Variants in ENPP6 observed in about 807,000 individuals in gnomAD.
ENPP6 encodes ectonucleotide pyrophosphatase/phosphodiesterase 6, also known as glycerophosphocholine cholinephosphodiesterase ENPP6.
In ENPP6, 32 loss-of-function variants were observed where a neutral mutation model predicts 42.0. The ratio of observed to expected loss-of-function variants is 0.76; its 90% confidence interval spans 0.58 to 1.02. The LOEUF is 1.02. ENPP6 is among the 50% of genes least tolerant of loss of function. The probability of loss-of-function intolerance (pLI) is 0.00; values close to 1 mark genes in which losing one functional copy is unlikely to be tolerated. For missense variants in ENPP6, 552 were observed against 566.8 expected, an observed-to-expected ratio of 0.97 and a Z score of 0.27; for synonymous variants, 213 against 216.0, an observed-to-expected ratio of 0.99 and a Z score of 0.12.
At chr4:184,116,237 C>G (rs1173732098) in intron 5 of ENPP6, among the ~76,000 whole-genome samples, 1 of 151,808 alleles carries the variant, frequency 6.6e-6, no homozygotes, top group Non-Finnish European at 1.5e-5. Context: ...AACAAACAAA[C>G]AAACAGCCCT....
intron 2 of ENPP6, among the ~76,000 whole-genome samples, chr4:184,130,340 C>G (rs1018990755): frequency 6.6e-6 from 1 of 150,748 alleles, no homozygotes; most frequent in Non-Finnish European, 1.5e-5. Context: ...GGGTGGATCA[C>G]GAGGTCAGGA....
At chr4:184,199,571 T>C (rs1170151670) in intron 1 of ENPP6, among the ~76,000 whole-genome samples, 1 of 152,222 alleles carries the variant, frequency 6.6e-6, no homozygotes, top group African/African-American at 2.4e-5. Flanking sequence ...TTGATTTGTG[T>C]TCAGAACCTG....
In ENPP6 at chr4:184,105,538, A is replaced by G. The variant is rs568011299; in HGVS notation, c.993+7134T>C. Reference sequence around the variant, plus strand: ...TGGGTTAGTTGCTCAGAGATTTGTAACCATAGGCAAGATACCTAAAATGCT... The same window carrying G: ...TGGGTTAGTTGCTCAGAGATTTGTAGCCATAGGCAAGATACCTAAAATGCT... On this transcript the variant is annotated intron_variant, in intron 6 of 7. Coordinates refer to ENST00000296741, the MANE Select transcript of ENPP6 (RefSeq NM_153343.4). 5.9e-5 allele frequency among the ~76,000 whole-genome samples: 9 copies of G among 152,320 alleles called. No individual in the cohort carries two copies. The East Asian group carries it at 1.7e-3, about 29-fold the overall frequency.
chr4:184,180,335 A>G (rs1211485845), intron 1 of ENPP6, among the ~76,000 whole-genome samples: 1 of 152,236 alleles, frequency 6.6e-6, no homozygotes, highest in Admixed American at 6.5e-5. Flanking sequence ...TGAAGAGACC[A>G]TTAAAAAGTT....
intron 7 of ENPP6, among the ~76,000 whole-genome samples, chr4:184,094,376 C>T (rs1735860810): frequency 6.6e-6 from 1 of 152,230 alleles, no homozygotes; most frequent in South Asian, 2.1e-4. Flanking sequence ...TATCTTTTTA[C>T]ACTGGAAATA....
At chr4:184,113,965 C>CTTTCTTTTTT (rs1560982025) in intron 5 of ENPP6, among the ~76,000 whole-genome samples, 1 of 36,472 alleles carries the variant, frequency 2.7e-5, no homozygotes, top group Admixed American at 3.2e-4. Context: ...CTTTCTTTCT[C>CTTTCTTTTTT]TCTTTCTTTC....
chr4:184,109,038 C>T (rs1736153888), intron 6 of ENPP6, among the ~76,000 whole-genome samples: 2 of 152,176 alleles, frequency 1.3e-5, no homozygotes. Context: ...TGGTGAAACC[C>T]CATCTCCACT....
At chr4:184,214,590 A>T (rs187146584) in intron 1 of ENPP6, among the ~76,000 whole-genome samples, 368 of 152,374 alleles carry the variant, frequency 2.4e-3, no homozygotes, top group African/African-American at 8.6e-3. Flanking sequence ...CCAAATGCCC[A>T]TCAATGATAG....
intron 2 of ENPP6, among the ~76,000 whole-genome samples, chr4:184,128,639 C>G (rs1390113252): frequency 2.0e-5 from 3 of 148,558 alleles, no homozygotes; most frequent in Non-Finnish European, 4.5e-5. Flanking sequence ...GGAAATATAA[C>G]GTGCAAAATT....
At chr4:184,120,544 C>T (rs1736398919) in intron 3 of ENPP6, among the ~76,000 whole-genome samples, 1 of 152,204 alleles carries the variant, frequency 6.6e-6, no homozygotes, top group Non-Finnish European at 1.5e-5. Flanking sequence ...ACCCCATGAG[C>T]CATTCAAGGC....
At position 184,159,268 on chromosome 4, in the gene ENPP6, GT is replaced by G. The variant is rs1482755345; in HGVS notation, c.242-5536del. ...AGCAAATTTGCTCATATTCTTTCAA[GT>G]ATTCAAGAGGGTCAGCGGGACCTGG... is the stretch of plus-strand genomic sequence containing the variant. On this transcript the variant is annotated intron_variant, in intron 1 of 7. Transcript: ENST00000296741. Among the ~76,000 whole-genome samples the G allele has an allele frequency of 3.9e-5, 6 of 152,194 alleles. No individual in the cohort carries two copies. In the East Asian group the frequency reaches 9.6e-4, roughly 24 times the overall value.
At chr4:184,201,215 T>C (rs984798228) in intron 1 of ENPP6, among the ~76,000 whole-genome samples, 3 of 152,142 alleles carry the variant, frequency 2.0e-5, no homozygotes, top group African/African-American at 7.2e-5. Context: ...CGAGCAGGTG[T>C]TGCTGAAGGT....
intron 1 of ENPP6, among the ~76,000 whole-genome samples, chr4:184,189,161 G>A (rs767711777): frequency 2.0e-5 from 3 of 152,110 alleles, no homozygotes; most frequent in African/African-American, 4.8e-5. Context: ...TATATGCCAG[G>A]GGATTTCTCC....
chr4:184,112,543 C>T, intron 6 of ENPP6, 129 bp downstream of exon 6: 2 of 1,144,724 alleles, frequency 1.7e-6, no homozygotes, highest in Middle Eastern at 2.4e-4. Flanking sequence ...TAAAGAAAGA[C>T]ATAACGCAAC....
intron 1 of ENPP6, among the ~76,000 whole-genome samples, chr4:184,162,824 C>T (rs912447339): frequency 7.2e-6 from 1 of 138,786 alleles, no homozygotes; most frequent in Non-Finnish European, 1.7e-5. Context: ...AATAAACAGG[C>T]TGCACAGAGT....
intron 2 of ENPP6, among the ~76,000 whole-genome samples, chr4:184,131,216 CTTT>C (rs1193387718): frequency 2.5e-4 from 21 of 85,414 alleles, no homozygotes; most frequent in African/African-American, 1.1e-3. Flanking sequence ...TTCTTTCTTT[CTTT>C]TTCTTTCTTT....
At chr4:184,161,171 C>T (rs373769034) in intron 1 of ENPP6, among the ~76,000 whole-genome samples, 3 of 151,878 alleles carry the variant, frequency 2.0e-5, no homozygotes, top group African/African-American at 7.3e-5. Flanking sequence ...TGACCAGAAT[C>T]TACAAGGAAC....
chr4:184,201,463 C>T (rs1337188496), intron 1 of ENPP6, among the ~76,000 whole-genome samples: 1 of 151,730 alleles, frequency 6.6e-6, no homozygotes, highest in Middle Eastern at 3.2e-3. Flanking sequence ...AGTGGCTCCA[C>T]GTGGACAAGC....
intron 1 of ENPP6, 30 bp from the exon 2 acceptor site, chr4:184,153,763 T>C (rs770628215): frequency 1.9e-6 from 3 of 1,601,956 alleles, no homozygotes; most frequent in African/African-American, 2.7e-5. Context: ...GCTGTCAGTT[T>C]ACGGTTCTGG....
Sources: gnomAD v4.1 joint callset for allele counts (sites outside exome capture counted in the v4.1 genomes callset) on GRCh38, gnomAD v4.1.1 for gene constraint, MANE v1.5 for transcripts, NCBI Gene and HGNC (gene_info 2026-07-23, HGNC 2026-07-21) for gene names.